TXNDC16: variants seen among roughly 807,000 people sequenced by gnomAD.
TXNDC16 encodes the protein thioredoxin domain-containing protein 16.
A neutral mutation model predicts 85.6 loss-of-function variants in TXNDC16; 74 were observed. The ratio of observed to expected loss-of-function variants is 0.86; its 90% CI spans 0.72 to 1.05. The LOEUF (loss-of-function observed/expected upper bound fraction) is 1.05. Among genes scored for constraint, TXNDC16 ranks in the 50% least tolerant of loss-of-function variants. The pLI is 0.00. For synonymous variants in TXNDC16, 335 were observed against 326.5 expected (o/e 1.03, Z -0.28); for missense variants, 959 against 947.0 (o/e 1.01, Z -0.17).
chr14:52,486,678 G>A (rs2140149304), intron 12 of TXNDC16, among the ~76,000 whole-genome samples: 1 of 152,194 alleles, frequency 6.6e-6, no homozygotes, highest in South Asian at 2.1e-4. Flanking sequence ...GTGATACAGA[G>A]GGAGGGGGAA....
intron 18 of TXNDC16, among the ~76,000 whole-genome samples, chr14:52,450,451 G>GAA (rs58802501): frequency 6.4e-4 from 76 of 118,422 alleles, no homozygotes; most frequent in Non-Finnish European, 5.0e-4. Context: ...AAGGCTTCCA[G>GAA]AAAAAAAAAA....
chr14:52,480,925 G>A (rs540150515), intron 14 of TXNDC16, among the ~76,000 whole-genome samples: 10 of 148,352 alleles, frequency 6.7e-5, no homozygotes, highest in African/African-American at 1.7e-4. Flanking sequence ...ATCAATCAAC[G>A]AGTGGACAAA....
chr14:52,484,971 T>C (rs1391956908), intron 12 of TXNDC16, among the ~76,000 whole-genome samples: 1 of 152,220 alleles, frequency 6.6e-6, no homozygotes, highest in Non-Finnish European at 1.5e-5. Context: ...TTGGTTTATA[T>C]ATTTACTATA....
At position 52,531,221 on chromosome 14, in the gene TXNDC16, G is replaced by A. The variant is rs1422477874; in HGVS notation, c.392+5498C>T. 2.0e-5 allele frequency among the ~76,000 whole-genome samples: 3 copies of A among 152,094 alleles called. No homozygotes were observed. The South Asian group carries it at 6.2e-4, about 31-fold the overall frequency. ...AGGAACTTTCATTCATTGCTGGTGG[G>A]AATGCGAAATGGTACAGCCACTTTG... On this transcript the variant is annotated intron_variant, in intron 6 of 20. Transcript: ENST00000281741.
At chr14:52,503,232 G>A (rs2036704803) in intron 9 of TXNDC16, among the ~76,000 whole-genome samples, 1 of 152,218 alleles carries the variant, frequency 6.6e-6, no homozygotes. Context: ...GAGAGCAGTG[G>A]TTCTCCCAGC....
chr14:52,456,429 A>G (rs1288612374), intron 17 of TXNDC16, among the ~76,000 whole-genome samples: 3 of 152,176 alleles, frequency 2.0e-5, no homozygotes, highest in East Asian at 3.9e-4. Context: ...CAAAAGCCTG[A>G]TCACCAAGAG....
At chr14:52,542,257 A>G (rs2037846682) in intron 4 of TXNDC16, 114 bp downstream of exon 4, 1 of 697,690 alleles carries the variant, frequency 1.4e-6, no homozygotes, top group Admixed American at 3.2e-5. Context: ...AAAAAAATAT[A>G]TTTCCAGTTT....
intron 14 of TXNDC16, among the ~76,000 whole-genome samples, chr14:52,476,737 T>C (rs74929973): frequency 0.086 from 13,109 of 152,116 alleles, 621 homozygotes; most frequent in East Asian, 0.14. Context: ...GAGAAATCTA[T>C]TTGGAAAATA....
chr14:52,437,193 TG>T (rs2035049238), intron 20 of TXNDC16, among the ~76,000 whole-genome samples: 2 of 152,272 alleles, frequency 1.3e-5, no homozygotes, highest in African/African-American at 4.8e-5. Flanking sequence ...TAATAGATTC[TG>T]GGCCAAGATC....
At chr14:52,526,134 A>C (rs908067404) in intron 6 of TXNDC16, among the ~76,000 whole-genome samples, 30 of 152,158 alleles carry the variant, frequency 2.0e-4, no homozygotes, top group Non-Finnish European at 2.9e-5. Context: ...CTGGGAAGTA[A>C]AATTTTCCTC....
intron 16 of TXNDC16, among the ~76,000 whole-genome samples, chr14:52,466,177 A>C (rs967012814): frequency 1.3e-5 from 2 of 151,882 alleles, no homozygotes; most frequent in Admixed American, 1.3e-4. Flanking sequence ...ATGAATCCAT[A>C]ACATGAAACC....
At chr14:52,520,496 G>A (rs2140194280) in intron 6 of TXNDC16, among the ~76,000 whole-genome samples, 1 of 152,240 alleles carries the variant, frequency 6.6e-6, no homozygotes, top group Non-Finnish European at 1.5e-5. Flanking sequence ...TGTAGTCCCA[G>A]CTACTCGGGA....
intron 9 of TXNDC16, among the ~76,000 whole-genome samples, chr14:52,498,611 A>G (rs34773814): frequency 0.26 from 39,422 of 152,076 alleles, 5,221 homozygotes; most frequent in East Asian, 0.38. Flanking sequence ...AAATTGAACA[A>G]AGGAGGTAAA....
intron 16 of TXNDC16, among the ~76,000 whole-genome samples, chr14:52,466,329 G>C (rs1301315827): frequency 2.2e-5 from 3 of 135,180 alleles, no homozygotes; most frequent in African/African-American, 5.6e-5. Context: ...GGAGGCAGAG[G>C]TTGCAGTGAG....
At chr14:52,494,548 T>C (rs543129675) in intron 9 of TXNDC16, among the ~76,000 whole-genome samples, 20 of 152,334 alleles carry the variant, frequency 1.3e-4, no homozygotes, top group African/African-American at 4.6e-4. Context: ...TGTTTTTTTT[T>C]CCTTGTGTAT....
intron 6 of TXNDC16, among the ~76,000 whole-genome samples, chr14:52,527,726 C>T (rs1018761842): frequency 2.0e-5 from 3 of 152,000 alleles, no homozygotes; most frequent in Admixed American, 6.6e-5. Context: ...CTGTTATTGC[C>T]GTAAGGTCAA....
At chr14:52,546,990 G>C (rs1259744360) in intron 1 of TXNDC16, among the ~76,000 whole-genome samples, 1 of 152,164 alleles carries the variant, frequency 6.6e-6, no homozygotes, top group Non-Finnish European at 1.5e-5. Context: ...TGTTCCCGTG[G>C]CTAATGAACT....
At chr14:52,433,830 G>A (rs1459731044) in intron 20 of TXNDC16, among the ~76,000 whole-genome samples, 1 of 152,166 alleles carries the variant, frequency 6.6e-6, no homozygotes, top group Non-Finnish European at 1.5e-5. Flanking sequence ...GAACAGGTAA[G>A]AAGAATAACT....
intron 20 of TXNDC16, among the ~76,000 whole-genome samples, chr14:52,438,630 T>A (rs2035089661): frequency 6.6e-6 from 1 of 152,246 alleles, no homozygotes. Context: ...TATGATTTGC[T>A]TTATTTCAAT....
Sources: allele counts gnomAD v4.1 joint callset (sites outside exome capture counted in the v4.1 genomes callset), GRCh38; gene constraint gnomAD v4.1.1; transcripts MANE v1.5; gene names NCBI Gene and HGNC (gene_info 2026-07-23, HGNC 2026-07-21).